Variants in PPP1R12B observed in about 807,000 individuals in gnomAD.
PPP1R12B encodes protein phosphatase 1 regulatory subunit 12B, also known as myosin phosphatase target subunit 2.
A neutral mutation model predicts 126.1 loss-of-function variants in PPP1R12B; 76 were observed. That is an observed-to-expected ratio of 0.60 (90% CI 0.50 to 0.73). The LOEUF (loss-of-function observed/expected upper bound fraction) is 0.73. Ranked by LOEUF, PPP1R12B falls within the 30% of genes least tolerant of loss-of-function variation. PPP1R12B has a pLI of 0.00. For missense variants in PPP1R12B, 1,052 were observed against 1,205.1 expected (o/e 0.87, Z 1.88); for synonymous variants, 356 against 434.7 (o/e 0.82, Z 2.25).
intron 13 of PPP1R12B, chr1:202,472,188 G>T: frequency 1.6e-6 from 1 of 645,040 alleles, no homozygotes; most frequent in Non-Finnish European, 2.5e-6. Context: ...TGAATATTTT[G>T]GAACTTACAT....
intron 18 of PPP1R12B, among the ~76,000 whole-genome samples, chr1:202,550,276 G>A (rs1572475879): frequency 6.6e-6 from 1 of 152,126 alleles, no homozygotes; most frequent in East Asian, 1.9e-4. Context: ...TAAAGTTACT[G>A]CTACCCAAAC....
intron 1 of PPP1R12B, among the ~76,000 whole-genome samples, chr1:202,380,620 T>C (rs1662095393): frequency 6.6e-6 from 1 of 152,228 alleles, no homozygotes; most frequent in Non-Finnish European, 1.5e-5. Flanking sequence ...TCCTTGGCTC[T>C]GTCTTCTCAG....
At chr1:202,463,721 G>A (rs1282116793) in intron 13 of PPP1R12B, among the ~76,000 whole-genome samples, 1 of 152,156 alleles carries the variant, frequency 6.6e-6, no homozygotes, top group East Asian at 1.9e-4. Context: ...AAGTTTCCTA[G>A]TTGATCTTGT....
intron 13 of PPP1R12B, among the ~76,000 whole-genome samples, chr1:202,480,612 T>TA (rs1377512665): frequency 6.6e-6 from 1 of 152,242 alleles, no homozygotes; most frequent in African/African-American, 2.4e-5. Flanking sequence ...TTAGAAAACT[T>TA]ATATGCTACC....
intron 18 of PPP1R12B, among the ~76,000 whole-genome samples, chr1:202,537,297 T>C (rs1231254142): frequency 6.6e-6 from 1 of 150,802 alleles, no homozygotes; most frequent in Non-Finnish European, 1.5e-5. Flanking sequence ...GAGCTTGCAG[T>C]GAGCAAAGAT....
chr1:202,464,349 G>C (rs1283115910), intron 13 of PPP1R12B, among the ~76,000 whole-genome samples: 1 of 152,142 alleles, frequency 6.6e-6, no homozygotes, highest in Non-Finnish European at 1.5e-5. Context: ...CATGTGTAGT[G>C]ATCTTCTATG....
At chr1:202,537,001 A>G (rs1249867038) in intron 18 of PPP1R12B, among the ~76,000 whole-genome samples, 4 of 152,358 alleles carry the variant, frequency 2.6e-5, no homozygotes, top group African/African-American at 4.8e-5. Context: ...GTTTTTATAT[A>G]TAAGTAGAAG....
chr1:202,387,056 T>C (rs1347688701), intron 1 of PPP1R12B, among the ~76,000 whole-genome samples: 1 of 152,232 alleles, frequency 6.6e-6, no homozygotes. Context: ...TATATTTGCA[T>C]GCAGTTATTG....
intron 1 of PPP1R12B, among the ~76,000 whole-genome samples, chr1:202,367,507 C>G (rs1659443555): frequency 6.6e-6 from 1 of 152,166 alleles, no homozygotes; most frequent in Non-Finnish European, 1.5e-5. Flanking sequence ...TCAACCCATT[C>G]CAGTCACATT....
chr1:202,486,168 T>G lies in PPP1R12B; in HGVS notation c.1851-2365T>G, dbSNP rs557023400. Among the ~76,000 whole-genome samples the G allele has an allele frequency of 9.2e-5, 14 of 152,268 alleles. No homozygotes were observed. In the South Asian group the frequency reaches 2.9e-3, roughly 32 times the overall value. The stretch of plus-strand genomic sequence containing the variant: ...AAGTGTTGGGATTACAGGCATGAGC[T>G]ACTGCTCCTGGCTGCTATTATTTTT... On this transcript the variant is annotated intron_variant, in intron 13 of 23. Coordinates refer to ENST00000608999, the MANE Select transcript of PPP1R12B (RefSeq NM_002481.4).
intron 10 of PPP1R12B, chr1:202,439,588 C>A: frequency 1.7e-6 from 2 of 1,183,028 alleles, no homozygotes; most frequent in South Asian, 1.3e-5. Context: ...TGGCCGCCAC[C>A]CCCTCTGTAC....
At chr1:202,439,488 C>T in intron 10 of PPP1R12B, 2 of 1,513,908 alleles carry the variant, frequency 1.3e-6, no homozygotes, top group East Asian at 2.3e-5. Context: ...CTGGTCCAGC[C>T]CATGGAAGTG....
chr1:202,383,476 C>T (rs1026861929), intron 1 of PPP1R12B, among the ~76,000 whole-genome samples: 53 of 152,256 alleles, frequency 3.5e-4, no homozygotes, highest in Admixed American at 2.0e-3. Context: ...GTAATCCCAG[C>T]GCTTTGGGAG....
At chr1:202,439,138 G>A (rs993680472) in intron 10 of PPP1R12B, 22 of 1,581,102 alleles carry the variant, frequency 1.4e-5, no homozygotes, top group Non-Finnish European at 1.9e-5. Context: ...AGCTCCTGTA[G>A]TTGAAGGTGA....
intron 10 of PPP1R12B, chr1:202,438,270 C>A: frequency 6.3e-7 from 1 of 1,575,488 alleles, no homozygotes; most frequent in Non-Finnish European, 8.6e-7. Flanking sequence ...GTTCAATCTT[C>A]CTTGCCCCCT....
At chr1:202,485,952 G>T (rs1214961903) in intron 13 of PPP1R12B, among the ~76,000 whole-genome samples, 1 of 152,106 alleles carries the variant, frequency 6.6e-6, no homozygotes, top group Non-Finnish European at 1.5e-5. Context: ...TATATTCTCA[G>T]CTCACTACAA....
rs1427583065 is a variant in PPP1R12B at position 202,588,487 on chromosome 1, G to T, written c.*7927G>T. ...GAGTATTCTGTGTTTGAAAGTTTGG[G>T]AATAATAATATTCACTTCTATATGA... On this transcript the variant is annotated 3_prime_UTR_variant, in exon 24 of 24. Transcript: ENST00000608999. The T allele has an allele frequency of 6.6e-6, 1 of 152,500 alleles. No individual in the cohort carries two copies. The highest frequency in any genetic ancestry group is 1.5e-5 in the Non-Finnish European group (1 of 68,028). The allele number at this position is 152,500 out of a possible 1,614,324, so 9.4% of individuals were successfully genotyped here. A position where few individuals can be genotyped will look rare whatever the true frequency, so the allele number is the denominator to read the frequency against.
chr1:202,424,089 A>T (rs940363105), intron 3 of PPP1R12B, among the ~76,000 whole-genome samples: 1 of 152,230 alleles, frequency 6.6e-6, no homozygotes, highest in African/African-American at 2.4e-5. Flanking sequence ...ACTTTAAAAA[A>T]ATCAGTTTTA....
Position 202,540,298 on chromosome 1 carries a change from G to GTA in PPP1R12B, c.2491-18570_2491-18569dup, listed in dbSNP as rs1400730981. On this transcript the variant is annotated intron_variant, in intron 18 of 23. Transcript: ENST00000608999. Reference sequence around the variant, plus strand: ...TAGCTGTGTCAAAGGTAGAGAATGTGTATATATATAACTTGGGGCATTAGG... The same window carrying GTA: ...TAGCTGTGTCAAAGGTAGAGAATGTGTATATATATATAACTTGGGGCATTAGG... The GTA allele has an allele frequency of 1.5e-5, 21 of 1,380,448 alleles. No homozygotes were observed. In the Middle Eastern group the frequency reaches 5.4e-4, roughly 36 times the overall value. The allele number at this position is 1,380,448 out of a possible 1,614,324, so 85.5% of individuals were successfully genotyped here.
Sources: gnomAD v4.1 joint callset for allele counts (sites outside exome capture counted in the v4.1 genomes callset) on GRCh38, gnomAD v4.1.1 for gene constraint, MANE v1.5 for transcripts, NCBI Gene and HGNC (gene_info 2026-07-23, HGNC 2026-07-21) for gene names.